MECR: variants seen among roughly 807,000 people sequenced by gnomAD.
MECR encodes enoyl-[acyl-carrier-protein] reductase, mitochondrial.
In MECR, 37 loss-of-function variants were observed where a neutral mutation model predicts 49.1. The ratio of observed to expected loss-of-function variants is 0.75; its 90% CI spans 0.58 to 0.99. MECR has a LOEUF of 0.99. Ranked by LOEUF, MECR falls within the 50% of genes least tolerant of loss-of-function variation. MECR has a pLI of 0.00. For missense variants in MECR, 470 were observed against 479.6 expected, an observed-to-expected ratio of 0.98 and a Z score of 0.19; for synonymous variants, 198 against 191.1, an observed-to-expected ratio of 1.04 and a Z score of -0.30.
intron 3 of MECR, among the ~76,000 whole-genome samples, chr1:29,214,605 A>AC (rs34762826): frequency 1 from 151,868 of 152,184 alleles, 75,778 homozygotes; most frequent in Middle Eastern, 1. Context: ...CAGGTGATCC[A>AC]CCACCTCGGC....
intron 1 of MECR, among the ~76,000 whole-genome samples, chr1:29,225,051 G>A (rs1369595194): frequency 6.6e-6 from 1 of 152,196 alleles, no homozygotes; most frequent in Non-Finnish European, 1.5e-5. Context: ...ACCTTCAGAG[G>A]CAACAGTGAG....
At chr1:29,220,211 C>A (rs973532095) in intron 1 of MECR, among the ~76,000 whole-genome samples, 2 of 140,478 alleles carry the variant, frequency 1.4e-5, no homozygotes, top group Admixed American at 7.5e-5. Context: ...ATCAACATGG[C>A]GAAACCCCGT....
At chr1:29,227,474 G>T (rs959851473) in intron 1 of MECR, among the ~76,000 whole-genome samples, 3 of 152,230 alleles carry the variant, frequency 2.0e-5, no homozygotes, top group African/African-American at 7.2e-5. Context: ...CTAAGCAACA[G>T]GGGAAAATGG....
intron 1 of MECR, 34 bp from the exon 2 acceptor site, chr1:29,216,719 A>T: frequency 6.2e-7 from 1 of 1,614,108 alleles, no homozygotes; most frequent in South Asian, 1.1e-5. Context: ...TGTTCATGTC[A>T]TCCAGGCTAG....
the MECR span, among the ~76,000 whole-genome samples, chr1:29,183,034 TTTGC>T: frequency 4.6e-5 from 7 of 152,204 alleles, no homozygotes; most frequent in African/African-American, 9.6e-5. Context: ...GTTTTGTTTC[TTTGC>T]TTGTTTTTGT....
At chr1:29,175,072 A>G in the MECR span, among the ~76,000 whole-genome samples, 2 of 152,224 alleles carry the variant, frequency 1.3e-5, no homozygotes, top group African/African-American at 4.8e-5. Context: ...AAAACTAAAA[A>G]ACCCAAAATG....
chr1:29,179,045 T>C, the MECR span, among the ~76,000 whole-genome samples: 1 of 152,172 alleles, frequency 6.6e-6, no homozygotes. Context: ...AACAGTTCCT[T>C]AAAAAAACCA....
the MECR span, among the ~76,000 whole-genome samples, chr1:29,180,624 G>A: frequency 6.6e-6 from 1 of 152,150 alleles, no homozygotes; most frequent in African/African-American, 2.4e-5. Context: ...TAAGCCAAGA[G>A]TTCTCTAACA....
intron 3 of MECR, among the ~76,000 whole-genome samples, chr1:29,212,189 C>T (rs34104787): frequency 0.013 from 1,987 of 152,272 alleles, 19 homozygotes; most frequent in Middle Eastern, 0.058. Context: ...GAGGCCGAGG[C>T]GGGCAGATCA....
At chr1:29,181,450 T>G in the MECR span, among the ~76,000 whole-genome samples, 3 of 152,010 alleles carry the variant, frequency 2.0e-5, no homozygotes. Context: ...CCATTATGCC[T>G]CCACCACCCC....
chr1:29,183,942 C>T, the MECR span, among the ~76,000 whole-genome samples: 21 of 148,362 alleles, frequency 1.4e-4, no homozygotes, highest in South Asian at 3.8e-3. Context: ...TGCAGCGGTG[C>T]GATCTCAGCT....
At chr1:29,180,096 C>T in the MECR span, among the ~76,000 whole-genome samples, 2 of 152,236 alleles carry the variant, frequency 1.3e-5, no homozygotes, top group Non-Finnish European at 2.9e-5. Context: ...CTCTAATCTT[C>T]CTTTTCCACA....
At chr1:29,179,117 G>A in the MECR span, among the ~76,000 whole-genome samples, 1 of 152,060 alleles carries the variant, frequency 6.6e-6, no homozygotes, top group South Asian at 2.1e-4. Context: ...CTTTTGGGTT[G>A]CTCACTTCTT....
chr1:29,175,711 A>AAAAG, the MECR span, among the ~76,000 whole-genome samples: 1 of 146,440 alleles, frequency 6.8e-6, no homozygotes, highest in Non-Finnish European at 1.5e-5. Flanking sequence ...AAAAAAAAAA[A>AAAAG]AAAAAAAAAA....
At chr1:29,178,550 G>T in the MECR span, among the ~76,000 whole-genome samples, 2 of 151,574 alleles carry the variant, frequency 1.3e-5, no homozygotes, top group South Asian at 2.1e-4. Flanking sequence ...TAGAGACGGG[G>T]TTTCACCATC....
At chr1:29,229,887 A>G (rs2819606) in intron 1 of MECR, among the ~76,000 whole-genome samples, 121,815 of 152,234 alleles carry the variant, frequency 0.8, 49,364 homozygotes, top group Non-Finnish European at 0.87. Context: ...CTGACATACT[A>G]TTTTTATCAA....
Position 29,230,776 on chromosome 1 carries a change from C to G in MECR, c.131G>C (p.Arg44Pro). The change falls in exon 1 of 10, where the codon CGG becomes CCG. Residue 44 changes from arginine (R) to proline (P), a missense_variant. Arg to Pro is a moderately radical substitution (Grantham distance 103). Transcript: ENST00000263702. ...YSASAEPARV[R>P]ALVYGHHGDP... ...CCCGTGGTGCCCATAGACAAGCGCC[C>G]GGACCCGGGCAGGCTCGGCGGATGC... The G allele has an allele frequency of 6.2e-7, 1 of 1,601,308 alleles. No individual in the cohort carries two copies. The highest frequency in any genetic ancestry group is 1.3e-5 in the African/African-American group (1 of 74,966).
At chr1:29,177,278 TTTTTG>T in the MECR span, among the ~76,000 whole-genome samples, 3 of 136,712 alleles carry the variant, frequency 2.2e-5, no homozygotes, top group Admixed American at 7.1e-5. Flanking sequence ...ACAGTAACTC[TTTTTG>T]TTTTTTTTTT....
At chr1:29,224,651 G>A (rs1014027161) in intron 1 of MECR, 1 of 152,198 alleles carries the variant, frequency 6.6e-6, no homozygotes, top group African/African-American at 2.4e-5. Context: ...GACTGTGAAG[G>A]TCTGCATGGG....
Sources: gnomAD v4.1 joint callset for allele counts (sites outside exome capture counted in the v4.1 genomes callset) on GRCh38, gnomAD v4.1.1 for gene constraint, MANE v1.5 for transcripts, NCBI Gene and HGNC (gene_info 2026-07-23, HGNC 2026-07-21) for gene names.